Variants in GPC5 observed in about 807,000 individuals in gnomAD.
The protein encoded by GPC5 is glypican-5.
A neutral mutation model predicts 53.9 loss-of-function variants in GPC5; 47 were observed. That is an observed-to-expected ratio of 0.87 (90% CI 0.69 to 1.11). The LOEUF is 1.11. Among genes scored for constraint, GPC5 ranks in the 50% most tolerant of loss-of-function variants. The pLI is 0.00. For synonymous variants in GPC5, 286 were observed against 263.3 expected, an observed-to-expected ratio of 1.09 and a Z score of -0.84; for missense variants, 748 against 713.1, an observed-to-expected ratio of 1.05 and a Z score of -0.56.
intron 6 of GPC5, among the ~76,000 whole-genome samples, chr13:91,938,089 A>G (rs1008877785): frequency 6.6e-6 from 1 of 152,084 alleles, no homozygotes; most frequent in Non-Finnish European, 1.5e-5. Flanking sequence ...TCAGAGATCT[A>G]TACTAAGTGT....
chr13:92,552,297 T>G (rs928686932), intron 7 of GPC5, among the ~76,000 whole-genome samples: 1 of 151,832 alleles, frequency 6.6e-6, no homozygotes, highest in Admixed American at 6.6e-5. Flanking sequence ...AGAGCACATA[T>G]GTGGTCTCAG....
chr13:92,617,249 C>T (rs1319114649), intron 7 of GPC5, among the ~76,000 whole-genome samples: 1 of 152,136 alleles, frequency 6.6e-6, no homozygotes, highest in African/African-American at 2.4e-5. Context: ...TACCTGATCC[C>T]CTCACAACAA....
intron 5 of GPC5, among the ~76,000 whole-genome samples, chr13:91,815,861 T>G (rs1021141424): frequency 6.6e-6 from 1 of 152,288 alleles, no homozygotes; most frequent in South Asian, 2.1e-4. Flanking sequence ...TTTCTCCACT[T>G]TCTTCTTTGT....
intron 7 of GPC5, among the ~76,000 whole-genome samples, chr13:92,481,476 G>C (rs138913592): frequency 2.6e-5 from 4 of 152,058 alleles, no homozygotes; most frequent in Non-Finnish European, 4.4e-5. Flanking sequence ...ACATGTATGC[G>C]CAAAAAGGGG....
At position 92,866,447 on chromosome 13, in the gene GPC5, C is replaced by A; in HGVS notation, c.*8C>A. ...CTTCCCGGGATTTGGTAACTGAACT[C>A]TTCTGTCCTGACATACCTTACTGAA... On this transcript the variant is annotated 3_prime_UTR_variant, in exon 8 of 8. Transcript: ENST00000377067. 1 of 1,594,060 alleles carries A rather than the reference C, an allele frequency of 6.3e-7. No individual in the cohort carries two copies. The highest frequency in any genetic ancestry group is 1.1e-5 in the South Asian group (1 of 88,580).
chr13:92,547,738 C>A (rs1171811956), intron 7 of GPC5, among the ~76,000 whole-genome samples: 1 of 150,492 alleles, frequency 6.6e-6, no homozygotes, highest in Non-Finnish European at 1.5e-5. Context: ...GTATTCTATT[C>A]ATAGTTCCTT....
At chr13:92,506,661 T>C (rs1326606893) in intron 7 of GPC5, among the ~76,000 whole-genome samples, 1 of 152,134 alleles carries the variant, frequency 6.6e-6, no homozygotes, top group Non-Finnish European at 1.5e-5. Flanking sequence ...TGTTTTGTGG[T>C]CTTTCAAATA....
chr13:91,481,654 CT>C (rs1883303230), intron 2 of GPC5, among the ~76,000 whole-genome samples: 1 of 152,142 alleles, frequency 6.6e-6, no homozygotes, highest in African/African-American at 2.4e-5. Flanking sequence ...GCATAAATTG[CT>C]TCTACTTAAT....
intron 6 of GPC5, among the ~76,000 whole-genome samples, chr13:92,100,827 G>A (rs752460358): frequency 1.3e-5 from 2 of 152,108 alleles, no homozygotes; most frequent in Non-Finnish European, 2.9e-5. Flanking sequence ...AAAAACATAG[G>A]CATGGTCCAT....
At chr13:92,217,216 GAA>G (rs1200760827) in intron 7 of GPC5, among the ~76,000 whole-genome samples, 1 of 152,162 alleles carries the variant, frequency 6.6e-6, no homozygotes, top group Non-Finnish European at 1.5e-5. Context: ...ATATTCAACA[GAA>G]AGCATACTTT....
intron 6 of GPC5, among the ~76,000 whole-genome samples, chr13:91,930,643 T>C (rs954315290): frequency 5.3e-5 from 8 of 151,958 alleles, no homozygotes; most frequent in Non-Finnish European, 1.5e-5. Context: ...CCAATAAATA[T>C]GTGAAGGTCG....
intron 7 of GPC5, among the ~76,000 whole-genome samples, chr13:92,554,844 A>G (rs1594300770): frequency 6.6e-6 from 1 of 151,206 alleles, no homozygotes; most frequent in East Asian, 1.9e-4. Context: ...TACAAGGCAA[A>G]GAAATTTGTA....
chr13:91,809,939 T>C (rs1054667445), intron 5 of GPC5, among the ~76,000 whole-genome samples: 3 of 152,078 alleles, frequency 2.0e-5, no homozygotes, highest in Admixed American at 6.6e-5. Flanking sequence ...GGGAAGGTTA[T>C]GGTGTGAAAT....
intron 4 of GPC5, among the ~76,000 whole-genome samples, chr13:91,743,771 A>T (rs540165592): frequency 6.6e-6 from 1 of 152,178 alleles, no homozygotes; most frequent in Non-Finnish European, 1.5e-5. Context: ...AACCATTTCC[A>T]GGGCACACAG....
intron 7 of GPC5, among the ~76,000 whole-genome samples, chr13:92,438,695 G>A (rs1877425030): frequency 6.6e-6 from 1 of 152,028 alleles, no homozygotes; most frequent in South Asian, 2.1e-4. Flanking sequence ...CTGTTACTGG[G>A]ACAATGGTCG....
chr13:91,798,670 G>A (rs1300251797), intron 5 of GPC5, among the ~76,000 whole-genome samples: 2 of 152,014 alleles, frequency 1.3e-5, no homozygotes, highest in South Asian at 4.1e-4. Flanking sequence ...TTTTATAATG[G>A]AATGATTTAT....
intron 7 of GPC5, among the ~76,000 whole-genome samples, chr13:92,260,379 C>T (rs115193986): frequency 9.9e-5 from 15 of 152,238 alleles, no homozygotes; most frequent in African/African-American, 1.9e-4. Flanking sequence ...ATTCCTCAGC[C>T]GAAAACAAGG....
At chr13:92,851,746 A>AG (rs1566445379) in intron 7 of GPC5, among the ~76,000 whole-genome samples, 1 of 150,962 alleles carries the variant, frequency 6.6e-6, no homozygotes, top group Non-Finnish European at 1.5e-5. Flanking sequence ...AAAATTAGCC[A>AG]GGCGTGGTGG....
chr13:92,575,811 C>G (rs1217330354), intron 7 of GPC5, among the ~76,000 whole-genome samples: 4 of 152,132 alleles, frequency 2.6e-5, no homozygotes, highest in Non-Finnish European at 5.9e-5. Context: ...TCCAGTGTAT[C>G]TTCAGTCTTG....
Sources: allele counts gnomAD v4.1 joint callset (sites outside exome capture counted in the v4.1 genomes callset), GRCh38; gene constraint gnomAD v4.1.1; transcripts MANE v1.5; gene names NCBI Gene and HGNC (gene_info 2026-07-23, HGNC 2026-07-21).